The following UNC79 variants were observed in gnomAD, a reference collection of about 807,000 sequenced individuals.
UNC79 encodes the protein unc-79 subunit of NALCN channel complex.
In UNC79, 37 loss-of-function variants were observed where a neutral mutation model predicts 283.1. That is an observed-to-expected ratio of 0.13 (90% confidence interval 0.10 to 0.17). UNC79 has a LOEUF of 0.17. Among genes scored for constraint, UNC79 ranks in the 10% least tolerant of loss-of-function variants. UNC79 has a pLI of 1.00. For synonymous variants in UNC79, 1,107 were observed against 1,200.2 expected (o/e 0.92, Z 1.61); for missense variants, 2,272 against 3,211.1 (o/e 0.71, Z 7.07).
intron 1 of UNC79, among the ~76,000 whole-genome samples, chr14:93,354,681 T>C (rs970986588): frequency 6.6e-6 from 1 of 152,086 alleles, no homozygotes; most frequent in African/African-American, 2.4e-5. Flanking sequence ...AACTTTTTTT[T>C]TGTAGGGACG....
rs149994513 is a variant in UNC79 at position 93,473,112 on chromosome 14, A to AT, written c.144-969dup. On this transcript the variant is annotated intron_variant, in intron 2 of 48. Coordinates refer to ENST00000555664, the Ensembl canonical transcript of UNC79. ...TTAGAATTTATTTTTATTCCCATTAATTTTTTTTAACTTTCTAAATTATCT... is the reference window on the plus strand; with the variant it reads ...TTAGAATTTATTTTTATTCCCATTAATTTTTTTTTAACTTTCTAAATTATCT... Among the ~76,000 whole-genome samples, 3 of 151,850 alleles carry AT rather than the reference A, an allele frequency of 2.0e-5. No individual in the cohort carries two copies. The East Asian group carries it at 5.8e-4, about 29-fold the overall frequency.
At chr14:93,547,685 T>C (rs1003960801) in intron 14 of UNC79, among the ~76,000 whole-genome samples, 26 of 152,204 alleles carry the variant, frequency 1.7e-4, no homozygotes, top group African/African-American at 6.3e-4. Flanking sequence ...GTCTAGGACA[T>C]GATAAAGACA....
intron 32 of UNC79, among the ~76,000 whole-genome samples, chr14:93,639,123 C>G (rs2068784032): frequency 6.6e-6 from 1 of 152,172 alleles, no homozygotes; most frequent in Non-Finnish European, 1.5e-5. Flanking sequence ...CTTTTCTTGA[C>G]TTTAATTGTG....
chr14:93,395,131 A>T (rs767654019), intron 1 of UNC79, among the ~76,000 whole-genome samples: 1 of 152,080 alleles, frequency 6.6e-6, no homozygotes, highest in Non-Finnish European at 1.5e-5. Flanking sequence ...TGTCGATTTC[A>T]GTTACTCTCT....
At chr14:93,600,845 G>A (rs1349479940) in intron 25 of UNC79, 75 bp downstream of exon 25, 2 of 1,526,820 alleles carry the variant, frequency 1.3e-6, no homozygotes, top group Non-Finnish European at 1.8e-6. Context: ...GAAGACATTG[G>A]CATGTCGTTT....
exon 6 of UNC79, chr14:93,496,428 C>T: frequency 2.6e-6 from 4 of 1,546,572 alleles, no homozygotes; most frequent in Non-Finnish European, 3.5e-6. Flanking sequence ...TTGTCAATTA[C>T]TGGAATGCCT....
intron 1 of UNC79, among the ~76,000 whole-genome samples, chr14:93,385,216 G>T (rs1471417501): frequency 6.6e-6 from 1 of 152,062 alleles, no homozygotes; most frequent in Non-Finnish European, 1.5e-5. Context: ...ACTATCATTG[G>T]TATTTTGATA....
chr14:93,565,951 C>T (rs185262673), intron 14 of UNC79, among the ~76,000 whole-genome samples: 1 of 151,892 alleles, frequency 6.6e-6, no homozygotes, highest in East Asian at 1.9e-4. Context: ...TAGTGAAAAC[C>T]AAAAGAAAGG....
Position 93,706,506 on chromosome 14 carries a change from G to A in UNC79, c.7591-198G>A, listed in dbSNP as rs960823195. On this transcript the variant is annotated intron_variant, in intron 48 of 48. Transcript: ENST00000555664. ...GGTGAGCATGTCATTATTATGATGG[G>A]TTTGGGCCAGGACGACTCTAGAAAA... Among the ~76,000 whole-genome samples the A allele has an allele frequency of 6.6e-5, 10 of 152,082 alleles. 1 individual carries two copies. The highest frequency in any genetic ancestry group is 5.9e-4 in the Admixed American group (9 of 15,272).
chr14:93,515,917 G>A (rs1478371790), intron 7 of UNC79, among the ~76,000 whole-genome samples: 1 of 145,982 alleles, frequency 6.9e-6, no homozygotes, highest in Non-Finnish European at 1.5e-5. Context: ...TCCTTTTTTT[G>A]GTCTCTCCTA....
chr14:93,659,706 C>T (rs1596274654), intron 39 of UNC79, among the ~76,000 whole-genome samples: 1 of 152,196 alleles, frequency 6.6e-6, no homozygotes, highest in African/African-American at 2.4e-5. Flanking sequence ...CTCCTATGCA[C>T]TTTCAGAATC....
chr14:93,472,247 T>A (rs2057547699), intron 2 of UNC79, among the ~76,000 whole-genome samples: 1 of 152,098 alleles, frequency 6.6e-6, no homozygotes, highest in African/African-American at 2.4e-5. Context: ...TAAAACAGAT[T>A]TTTGGTGACT....
intron 1 of UNC79, among the ~76,000 whole-genome samples, chr14:93,414,039 C>A (rs1356100390): frequency 5.3e-5 from 8 of 152,030 alleles, no homozygotes; most frequent in Non-Finnish European, 1.2e-4. Context: ...TAATTAGATC[C>A]CATTTGTCAA....
At chr14:93,512,256 T>G (rs1463273852) in intron 7 of UNC79, among the ~76,000 whole-genome samples, 1 of 152,190 alleles carries the variant, frequency 6.6e-6, no homozygotes, top group Non-Finnish European at 1.5e-5. Context: ...TTACATATTA[T>G]TCTTGTAATT....
Position 93,379,728 on chromosome 14 carries a change from G to A in UNC79, c.-351+46205G>A, listed in dbSNP as rs563482460. ...CAGGGGGAGGGTGGGAGGGGGGTGA[G>A]GGATAAAAGACTACACATTGGGTAC... On this transcript the variant is annotated intron_variant, in intron 1 of 49. Coordinates refer to the UNC79 transcript ENST00000256339. 3.3e-5 allele frequency among the ~76,000 whole-genome samples: 5 copies of A among 151,780 alleles called. No homozygotes were observed. The East Asian group carries it at 7.8e-4, about 24-fold the overall frequency.
chr14:93,603,936 C>T (rs2065699473), intron 26 of UNC79, among the ~76,000 whole-genome samples: 1 of 151,990 alleles, frequency 6.6e-6, no homozygotes. Flanking sequence ...TGAATTTCTG[C>T]TCATCTTCAC....
intron 1 of UNC79, among the ~76,000 whole-genome samples, chr14:93,362,728 TC>T (rs2054251669): frequency 6.6e-6 from 1 of 152,202 alleles, no homozygotes; most frequent in African/African-American, 2.4e-5. Context: ...GTTGTCTGTT[TC>T]CAGGAATTTA....
At chr14:93,387,326 A>G (rs2054798487) in intron 1 of UNC79, among the ~76,000 whole-genome samples, 1 of 151,954 alleles carries the variant, frequency 6.6e-6, no homozygotes, top group Admixed American at 6.6e-5. Context: ...AAGGTGTATC[A>G]TTAGGTGGTT....
exon 38 of UNC79, chr14:93,655,341 C>T (rs559742798): frequency 6.2e-7 from 1 of 1,614,150 alleles, no homozygotes; most frequent in Non-Finnish European, 8.5e-7. Context: ...CTAGTAGCCT[C>T]TGGACCACAA....
Sources: allele counts gnomAD v4.1 joint callset (sites outside exome capture counted in the v4.1 genomes callset), GRCh38; gene constraint gnomAD v4.1.1; transcripts MANE v1.5; gene names NCBI Gene and HGNC (gene_info 2026-07-23, HGNC 2026-07-21).